Variants in SIK2 observed in about 807,000 individuals in gnomAD.
The protein encoded by SIK2 is salt inducible kinase 2, also known as serine/threonine-protein kinase SIK2.
Under a neutral mutation model 103.2 loss-of-function variants are expected in SIK2, and 29 were observed. The observed-to-expected ratio is 0.28, with a 90% CI of 0.21 to 0.38. SIK2 has a LOEUF of 0.38. Among genes scored for constraint, SIK2 ranks in the 10% least tolerant of loss-of-function variants. The pLI, the probability that SIK2 is intolerant of heterozygous loss-of-function variation, is 1.00. For synonymous variants in SIK2, 412 were observed against 446.1 expected, an observed-to-expected ratio of 0.92 and a Z score of 0.96; for missense variants, 879 against 1,171.0, an observed-to-expected ratio of 0.75 and a Z score of 3.64.
intron 10 of SIK2, 127 bp from the exon 11 acceptor site, chr11:111,720,350 GA>G (rs1943763917): frequency 4.8e-6 from 5 of 1,041,650 alleles, no homozygotes. Context: ...AAAGGGCTCT[GA>G]AAAGATGTTT....
chr11:111,649,399 T>C (rs1449587661), intron 3 of SIK2, among the ~76,000 whole-genome samples: 1 of 152,138 alleles, frequency 6.6e-6, no homozygotes, highest in Non-Finnish European at 1.5e-5. Context: ...CATGAAGGTA[T>C]TTGAATATAT....
intron 3 of SIK2, among the ~76,000 whole-genome samples, chr11:111,638,059 T>C (rs1942133699): frequency 6.6e-6 from 1 of 152,178 alleles, no homozygotes; most frequent in East Asian, 1.9e-4. Context: ...GATCTGACTG[T>C]GTTCTTATAT....
At chr11:111,678,616 C>CA (rs1303815132) in intron 3 of SIK2, among the ~76,000 whole-genome samples, 3 of 151,688 alleles carry the variant, frequency 2.0e-5, no homozygotes, top group East Asian at 1.9e-4. Flanking sequence ...TGAAAACTGG[C>CA]AAAAAAAATT....
In SIK2 at chr11:111,720,400, A is replaced by G. The variant is rs990651226; in HGVS notation, c.1496-78A>G. On this transcript the variant is annotated intron_variant, in intron 10 of 14. Coordinates refer to ENST00000304987, the MANE Select transcript of SIK2 (RefSeq NM_015191.3). ...AGGACATGGTAGCTGTCAAAACTCA[A>G]GCTGGTTATGCTTTGTACCCTATGT... 38 of 1,411,670 alleles carry G rather than the reference A, an allele frequency of 2.7e-5. No homozygotes were observed. In the Admixed American group the frequency reaches 5.6e-4, roughly 21 times the overall value. The allele number at this position is 1,411,670 out of a possible 1,614,324, so 87.4% of individuals were successfully genotyped here.
intron 8 of SIK2, among the ~76,000 whole-genome samples, chr11:111,711,014 A>G (rs896299067): frequency 6.6e-6 from 1 of 152,158 alleles, no homozygotes; most frequent in African/African-American, 2.4e-5. Context: ...CATCTAATAA[A>G]TTATTCTGGT....
At position 111,728,332 on chromosome 11, in the gene SIK2, AGGCTGGAATGCAGT is replaced by A. The variant is rs1944045852; in HGVS notation, c.*4207_*4220del. The A allele has an allele frequency of 1.3e-5, 2 of 151,570 alleles. No homozygotes were observed. Among genetic ancestry groups the A allele is most frequent in the Non-Finnish European group, 2.9e-5 (2 of 67,978 alleles). 9.4% of individuals were successfully genotyped at this position (151,570 alleles called of 1,614,324 possible). A position where few individuals can be genotyped will look rare whatever the true frequency, so the allele number is the denominator to read the frequency against. On this transcript the variant is annotated 3_prime_UTR_variant, in exon 15 of 15. Transcript: ENST00000304987. ...GAGACAGAGTCTCGCTCTGTCACCC[AGGCTGGAATGCAGT>A]GGCGTGATTTCAGCTCACTGCAACC... is the stretch of plus-strand genomic sequence containing the variant.
Position 111,730,593 on chromosome 11 carries a change from CTTTT to C in SIK2, c.*6469_*6472del, listed in dbSNP as rs200758304. 2 of 150,854 alleles carry C rather than the reference CTTTT, an allele frequency of 1.3e-5. No homozygotes were observed. Among genetic ancestry groups the C allele is most frequent in the African/African-American group, 4.9e-5 (2 of 40,954 alleles). 9.3% of individuals were successfully genotyped at this position (150,854 alleles called of 1,614,324 possible). A position where few individuals can be genotyped will look rare whatever the true frequency, so the allele number is the denominator to read the frequency against. On this transcript the variant is annotated 3_prime_UTR_variant, in exon 15 of 15. Transcript: ENST00000304987. ...TAACTGTAGTTATATTTTCTGTGTG[CTTTT>C]TTTTAATTACTAAGAAAAAAATTGG... is the stretch of plus-strand genomic sequence containing the variant.
chr11:111,634,094 T>C (rs1942074065), intron 3 of SIK2, among the ~76,000 whole-genome samples: 1 of 152,214 alleles, frequency 6.6e-6, no homozygotes, highest in African/African-American at 2.4e-5. Flanking sequence ...GATTCTGGCC[T>C]GGTAATTAAA....
At chr11:111,696,894 CT>C (rs1280827041) in intron 4 of SIK2, among the ~76,000 whole-genome samples, 4 of 152,182 alleles carry the variant, frequency 2.6e-5, no homozygotes, top group African/African-American at 7.2e-5. Flanking sequence ...CATTCCCCCC[CT>C]ACTCACCTCC....
intron 1 of SIK2, among the ~76,000 whole-genome samples, chr11:111,609,784 A>G (rs1218949843): frequency 6.6e-6 from 1 of 152,198 alleles, no homozygotes; most frequent in African/African-American, 2.4e-5. Context: ...ATTATAGACC[A>G]CTCAATCACA....
chr11:111,655,041 A>C (rs1243495742), intron 3 of SIK2, among the ~76,000 whole-genome samples: 1 of 152,240 alleles, frequency 6.6e-6, no homozygotes, highest in Admixed American at 6.5e-5. Context: ...TCTACAATGA[A>C]GCAATTTGTC....
rs1229432029 is a variant in SIK2 at position 111,688,357 on chromosome 11, C to G, written c.478+195C>G. Among the ~76,000 whole-genome samples the G allele has an allele frequency of 6.6e-6, 1 of 152,180 alleles. No individual in the cohort carries two copies. The highest frequency in any genetic ancestry group is 1.5e-5 in the Non-Finnish European group (1 of 68,038). On this transcript the variant is annotated intron_variant, in intron 4 of 14. Transcript: ENST00000304987. This position sits in a 1 kb window ranked among gnomAD's most constrained non-coding sequence, Gnocchi z 4.2. ...GGAATGAGTTCATTATTAATATACA[C>G]AGGTCAGAGCTACATCTGGGGTCTG...
intron 3 of SIK2, among the ~76,000 whole-genome samples, chr11:111,683,720 G>A (rs895013002): frequency 5.9e-5 from 9 of 152,182 alleles, no homozygotes; most frequent in Non-Finnish European, 1.2e-4. Flanking sequence ...CCAAAGTGCT[G>A]GGATTACAAG....
At chr11:111,667,053 C>T (rs190751285) in intron 3 of SIK2, among the ~76,000 whole-genome samples, 10 of 151,740 alleles carry the variant, frequency 6.6e-5, no homozygotes, top group South Asian at 2.1e-4. Context: ...TCGCAACCTC[C>T]GCCTCCCAGG....
chr11:111,623,006 C>G (rs959883421), intron 3 of SIK2, among the ~76,000 whole-genome samples: 5 of 152,264 alleles, frequency 3.3e-5, no homozygotes, highest in African/African-American at 9.6e-5. Flanking sequence ...TCTTCCACCC[C>G]CTCTCTTCTC....
Position 111,730,232 on chromosome 11 carries a change from G to A in SIK2, c.*6103G>A, listed in dbSNP as rs561924475. ...AACATCCTGGAAACATATGACCCCA[G>A]ATGGAATAATGTCACATTCCCCAGT... On this transcript the variant is annotated 3_prime_UTR_variant, in exon 15 of 15. Coordinates refer to ENST00000304987, the MANE Select transcript of SIK2 (RefSeq NM_015191.3). 1 of 152,348 alleles carries A rather than the reference G, an allele frequency of 6.6e-6. No individual in the cohort carries two copies. Among genetic ancestry groups the A allele is most frequent in the East Asian group, 1.9e-4 (1 of 5,192 alleles). The allele number at this position is 152,348 out of a possible 1,614,324, so 9.4% of individuals were successfully genotyped here.
chr11:111,723,820 A>G lies in SIK2; in HGVS notation c.2472A>G (p.Pro824=), dbSNP rs1943879992. The G allele has an allele frequency of 1.9e-6, 3 of 1,560,922 alleles. No individual in the cohort carries two copies. The highest frequency in any genetic ancestry group is 2.4e-5 in the East Asian group (1 of 41,578). The change falls in exon 15 of 15, where the codon CCA becomes CCG. Residue 824 remains proline (P), a synonymous_variant. Coordinates refer to ENST00000304987, the MANE Select transcript of SIK2 (RefSeq NM_015191.3). ...CGCAGCTACAGCAGCAGCAGCCGCCACCGCCACCACCCCCTCCACCACCAC... is the reference window on the plus strand; with the variant it reads ...CGCAGCTACAGCAGCAGCAGCCGCCGCCGCCACCACCCCCTCCACCACCAC... ...LPTQLQQQQP[P]PPPPPPPPRQ...
intron 3 of SIK2, among the ~76,000 whole-genome samples, chr11:111,622,811 T>C (rs1298318247): frequency 6.6e-6 from 1 of 152,182 alleles, no homozygotes; most frequent in Non-Finnish European, 1.5e-5. Context: ...ATGTGCCTTT[T>C]TTCTCTGGCT....
intron 9 of SIK2, among the ~76,000 whole-genome samples, chr11:111,713,883 C>T (rs1471995156): frequency 6.6e-6 from 1 of 152,126 alleles, no homozygotes; most frequent in African/African-American, 2.4e-5. Context: ...AAGAGAATTG[C>T]TTGAACCCAG....
Sources: gnomAD v4.1 joint callset for allele counts (sites outside exome capture counted in the v4.1 genomes callset) on GRCh38, gnomAD v4.1.1 for gene constraint, Gnocchi (gnomAD v3.1) non-coding constraint, MANE v1.5 for transcripts, NCBI Gene and HGNC (gene_info 2026-07-23, HGNC 2026-07-21) for gene names.